The following MNAT1 variants were observed in gnomAD, a reference collection of about 807,000 sequenced individuals.
The protein encoded by MNAT1 is MNAT1 component of CDK activating kinase.
Under a neutral mutation model 42.0 loss-of-function variants are expected in MNAT1, and 43 were observed. The ratio of observed to expected loss-of-function variants is 1.02; its 90% CI spans 0.80 to 1.32. The LOEUF is 1.32. Among genes scored for constraint, MNAT1 ranks in the 40% most tolerant of loss-of-function variants. The pLI, the probability that MNAT1 is intolerant of heterozygous loss-of-function variation, is 0.00. For missense variants in MNAT1, 306 were observed against 350.4 expected (o/e 0.87, Z 1.01); for synonymous variants, 118 against 120.0 (o/e 0.98, Z 0.11).
chr14:60,851,387 C>G (rs4151257), intron 6 of MNAT1, among the ~76,000 whole-genome samples: 1 of 150,920 alleles, frequency 6.6e-6, no homozygotes, highest in African/African-American at 2.4e-5. Context: ...GCAGATACTG[C>G]GTTTTTAAAC....
intron 6 of MNAT1, among the ~76,000 whole-genome samples, chr14:60,821,711 G>A (rs2032894713): frequency 6.6e-6 from 1 of 152,030 alleles, no homozygotes; most frequent in Admixed American, 6.6e-5. Flanking sequence ...TGTAGCTCCT[G>A]CCTTGTATTG....
At chr14:60,825,531 T>C (rs2033030549) in intron 6 of MNAT1, among the ~76,000 whole-genome samples, 1 of 152,290 alleles carries the variant, frequency 6.6e-6, no homozygotes, top group East Asian at 1.9e-4. Flanking sequence ...AATACAGACA[T>C]TACTTAAGAA....
chr14:60,754,451 G>A (rs944110350), intron 1 of MNAT1, among the ~76,000 whole-genome samples: 5 of 151,370 alleles, frequency 3.3e-5, no homozygotes, highest in Non-Finnish European at 5.9e-5. Context: ...AGGTTCAAGC[G>A]ATTCTGCTGT....
At chr14:60,828,903 G>C (rs1156879180) in intron 6 of MNAT1, among the ~76,000 whole-genome samples, 1 of 152,050 alleles carries the variant, frequency 6.6e-6, no homozygotes, top group African/African-American at 2.4e-5. Flanking sequence ...AGATGCATAG[G>C]GCAAGGTATG....
At chr14:60,848,334 T>G (rs558221416) in intron 6 of MNAT1, among the ~76,000 whole-genome samples, 1 of 152,212 alleles carries the variant, frequency 6.6e-6, no homozygotes, top group Non-Finnish European at 1.5e-5. Flanking sequence ...TTTAAGATTT[T>G]CTCTTTGTGT....
chr14:60,939,711 G>T (rs1003940793), intron 7 of MNAT1, among the ~76,000 whole-genome samples: 4 of 152,218 alleles, frequency 2.6e-5, no homozygotes, highest in Non-Finnish European at 5.9e-5. Context: ...ATATTCTGTT[G>T]ATTTGGGTTG....
chr14:60,870,325 C>T (rs949172872), intron 6 of MNAT1, among the ~76,000 whole-genome samples: 12 of 152,052 alleles, frequency 7.9e-5, no homozygotes, highest in South Asian at 2.1e-4. Flanking sequence ...AGTTTGCATG[C>T]GTTTCCCCCC....
intron 7 of MNAT1, among the ~76,000 whole-genome samples, chr14:60,925,992 A>G (rs1385491335): frequency 6.6e-6 from 1 of 152,190 alleles, no homozygotes; most frequent in African/African-American, 2.4e-5. Flanking sequence ...AGAATTGCTC[A>G]GTGTAAGAGG....
At chr14:60,891,225 G>GT (rs1375918941) in intron 7 of MNAT1, among the ~76,000 whole-genome samples, 1 of 151,652 alleles carries the variant, frequency 6.6e-6, no homozygotes, top group Non-Finnish European at 1.5e-5. Flanking sequence ...GTCTTCTCTC[G>GT]TTTTTTCTTA....
Position 60,912,460 on chromosome 14 carries a change from C to T in MNAT1, c.809+32625C>T, listed in dbSNP as rs891586848. On this transcript the variant is annotated intron_variant, in intron 7 of 7. Transcript: ENST00000261245. ...GGCATGTTTTTGCAGTGGCTGGCAC[C>T]GGTTGTTCCTTTCCATGTTTAGTGC... Among the ~76,000 whole-genome samples the T allele has an allele frequency of 1.8e-4, 27 of 152,260 alleles. No individual in the cohort carries two copies. The South Asian group carries it at 2.3e-3, about 13-fold the overall frequency.
intron 7 of MNAT1, among the ~76,000 whole-genome samples, chr14:60,930,441 A>T (rs1417869100): frequency 6.6e-6 from 1 of 152,070 alleles, no homozygotes; most frequent in Non-Finnish European, 1.5e-5. Flanking sequence ...GAAGTATGAT[A>T]TTGCCAAGTG....
chr14:60,891,531 A>T (rs1432747528), intron 7 of MNAT1, among the ~76,000 whole-genome samples: 2 of 151,350 alleles, frequency 1.3e-5, no homozygotes, highest in African/African-American at 4.8e-5. Flanking sequence ...GCTAACTGCA[A>T]CCTCCGCCTC....
intron 1 of MNAT1, among the ~76,000 whole-genome samples, chr14:60,775,531 A>G (rs2031217173): frequency 6.6e-6 from 1 of 152,230 alleles, no homozygotes; most frequent in Non-Finnish European, 1.5e-5. Context: ...GCATTCCAAT[A>G]AGAATGATTC....
At chr14:60,861,141 G>C (rs2034085468) in intron 6 of MNAT1, among the ~76,000 whole-genome samples, 1 of 151,858 alleles carries the variant, frequency 6.6e-6, no homozygotes, top group Non-Finnish European at 1.5e-5. Context: ...GAATATAGTT[G>C]GTTAGTAATT....
intron 7 of MNAT1, among the ~76,000 whole-genome samples, chr14:60,907,435 C>CA (rs35266802): frequency 0.021 from 1,377 of 65,074 alleles, 46 homozygotes; most frequent in East Asian, 0.16. Context: ...TCTGTCTCAC[C>CA]AAAAAAAAAA....
intron 3 of MNAT1, among the ~76,000 whole-genome samples, chr14:60,802,412 C>T (rs2032232417): frequency 6.6e-6 from 1 of 151,844 alleles, no homozygotes; most frequent in Admixed American, 6.6e-5. Flanking sequence ...ACAGTGAATA[C>T]ATATATCAAA....
intron 1 of MNAT1, among the ~76,000 whole-genome samples, chr14:60,783,975 C>T (rs911242002): frequency 6.6e-6 from 1 of 151,720 alleles, no homozygotes; most frequent in East Asian, 1.9e-4. Context: ...GACTACAGGC[C>T]ACTATGCCCA....
At chr14:60,780,518 G>C in intron 1 of MNAT1, 1 of 1,524,990 alleles carries the variant, frequency 6.6e-7, no homozygotes, top group Non-Finnish European at 9.1e-7. Context: ...TTCTGAGGAA[G>C]TCTGCCTTTG....
At chr14:60,873,180 A>G (rs1455597317) in intron 6 of MNAT1, among the ~76,000 whole-genome samples, 2 of 152,080 alleles carry the variant, frequency 1.3e-5, no homozygotes, top group Non-Finnish European at 2.9e-5. Context: ...ATTCTGTCTT[A>G]ATCTTGAATA....
Sources: allele counts gnomAD v4.1 joint callset (sites outside exome capture counted in the v4.1 genomes callset), GRCh38; gene constraint gnomAD v4.1.1; transcripts MANE v1.5; gene names NCBI Gene and HGNC (gene_info 2026-07-23, HGNC 2026-07-21).